Variants in AGAP1 observed in about 807,000 individuals in gnomAD.
AGAP1 encodes the protein arf-GAP with GTPase, ANK repeat and PH domain-containing protein 1.
AGAP1 carries 29 observed loss-of-function variants against 105.3 expected under a neutral mutation model. The observed-to-expected ratio is 0.28, with a 90% CI of 0.21 to 0.38. The LOEUF (loss-of-function observed/expected upper bound fraction) is 0.38, where lower values mean the gene tolerates loss of function less well. Among genes scored for constraint, AGAP1 ranks in the 10% least tolerant of loss-of-function variants. The pLI, the probability that AGAP1 is intolerant of heterozygous loss-of-function variation, is 1.00. For missense variants in AGAP1, 998 were observed against 1,165.1 expected, an observed-to-expected ratio of 0.86 and a Z score of 2.09; for synonymous variants, 509 against 485.9, an observed-to-expected ratio of 1.05 and a Z score of -0.63.
At chr2:235,755,149 C>A (rs1449912913) in intron 6 of AGAP1, among the ~76,000 whole-genome samples, 4 of 152,296 alleles carry the variant, frequency 2.6e-5, no homozygotes, top group Non-Finnish European at 2.9e-5. Context: ...GGCTGCAGGT[C>A]CGTCTGCAGG....
At chr2:235,886,842 TGTG>T (rs1169761595) in intron 10 of AGAP1, among the ~76,000 whole-genome samples, 2 of 152,062 alleles carry the variant, frequency 1.3e-5, no homozygotes, top group African/African-American at 4.8e-5. Context: ...TGGATAAAAG[TGTG>T]GAGAGGCAGT....
rs1369093387 is a variant in AGAP1, at chr2:235,712,477, T to G, written c.222+3240T>G. 6.6e-6 allele frequency among the ~76,000 whole-genome samples: 1 copy of G among 152,244 alleles called. No homozygotes were observed. The highest frequency in any genetic ancestry group is 1.9e-4 in the East Asian group (1 of 5,194). On this transcript the variant is annotated intron_variant, in intron 2 of 17. Coordinates refer to ENST00000304032, the MANE Select transcript of AGAP1 (RefSeq NM_001037131.3). The surrounding 1 kb of genome is among the most constrained non-coding windows in gnomAD (Gnocchi z 6.0). ...GCACATAGGCTCTGGACATCTTGCC[T>G]GTGTAGGGGACCTCAGTCCCCAGCT... is the stretch of plus-strand genomic sequence containing the variant.
In AGAP1 at chr2:236,003,486, G is replaced by C. The variant is rs946528480; in HGVS notation, c.1646-33075G>C. ...GCACGTCCTCCTCATGGCCACGCTG[G>C]GATGGAGGTGGACTCTGAGCACAGA... On this transcript the variant is annotated intron_variant, in intron 13 of 17. Transcript: ENST00000304032. This position sits in a 1 kb window ranked among gnomAD's most constrained non-coding sequence, Gnocchi z 4.2. Among the ~76,000 whole-genome samples, 12 of 152,314 alleles carry C rather than the reference G, an allele frequency of 7.9e-5. No individual in the cohort carries two copies. The highest frequency in any genetic ancestry group is 3.4e-3 in the Middle Eastern group (1 of 294).
In AGAP1 at chr2:235,659,021, C is replaced by G. The variant is rs529084152; in HGVS notation, c.164-50158C>G. ...AGCCCAGCAGCATGTACAGCACTTGCTTTCCTTTGAGAGGCCCTCCATTGT... is the reference window on the plus strand; with the variant it reads ...AGCCCAGCAGCATGTACAGCACTTGGTTTCCTTTGAGAGGCCCTCCATTGT... On this transcript the variant is annotated intron_variant, in intron 1 of 17. Coordinates refer to ENST00000304032, the MANE Select transcript of AGAP1 (RefSeq NM_001037131.3). The surrounding 1 kb of genome is among the most constrained non-coding windows in gnomAD (Gnocchi z 5.0). Among the ~76,000 whole-genome samples the G allele has an allele frequency of 2.2e-4, 33 of 152,202 alleles. No homozygotes were observed. Among genetic ancestry groups the G allele is most frequent in the Non-Finnish European group, 3.4e-4 (23 of 68,042 alleles).
At position 236,121,887 on chromosome 2, in the gene AGAP1, G is replaced by A. The variant is rs2059909051; in HGVS notation, c.2370+1440G>A. ...CCTCTCTCACGGCTGGTAGACGGCCGCCCTCTCCCTATGTTCTCACAGGGC... is the reference window on the plus strand; with the variant it reads ...CCTCTCTCACGGCTGGTAGACGGCCACCCTCTCCCTATGTTCTCACAGGGC... On this transcript the variant is annotated intron_variant, in intron 17 of 17. Coordinates refer to ENST00000304032, the MANE Select transcript of AGAP1 (RefSeq NM_001037131.3). The surrounding 1 kb of genome is among the most constrained non-coding windows in gnomAD (Gnocchi z 4.9). Among the ~76,000 whole-genome samples the A allele has an allele frequency of 6.6e-6, 1 of 152,072 alleles. No individual in the cohort carries two copies. The highest frequency in any genetic ancestry group is 2.1e-4 in the South Asian group (1 of 4,818).
In AGAP1 at chr2:235,953,477, A is replaced by G. The variant is rs1248206240; in HGVS notation, c.1484-14985A>G. ...AATATTCAACACTCCTAAGCCTTAA[A>G]TAGGCAATTAGAAGTATACTGCATT... On this transcript the variant is annotated intron_variant, in intron 12 of 17. Coordinates refer to ENST00000304032, the MANE Select transcript of AGAP1 (RefSeq NM_001037131.3). The surrounding 1 kb of genome is among the most constrained non-coding windows in gnomAD (Gnocchi z 5.2). 1.3e-5 allele frequency among the ~76,000 whole-genome samples: 2 copies of G among 152,242 alleles called. No homozygotes were observed. The highest frequency in any genetic ancestry group is 2.1e-4 in the South Asian group (1 of 4,832).
chr2:236,117,762 C>G (rs748864473), intron 16 of AGAP1, among the ~76,000 whole-genome samples: 52 of 152,200 alleles, frequency 3.4e-4, no homozygotes, highest in Non-Finnish European at 6.5e-4. Flanking sequence ...TGAAATGCAT[C>G]AACAAACGTT....
At position 235,964,370 on chromosome 2, in the gene AGAP1, C is replaced by T. The variant is rs1363420802; in HGVS notation, c.1484-4092C>T. 1.3e-5 allele frequency among the ~76,000 whole-genome samples: 2 copies of T among 152,134 alleles called. No homozygotes were observed. Among genetic ancestry groups the T allele is most frequent in the Admixed American group, 1.3e-4 (2 of 15,256 alleles). On this transcript the variant is annotated intron_variant, in intron 12 of 17. Transcript: ENST00000304032. The surrounding 1 kb of genome is among the most constrained non-coding windows in gnomAD (Gnocchi z 4.6). ...CTCCCTGCAGGACTAGGGTTGAGCT[C>T]TCTGAGGGCAAAGACAGTCACAGTG...
At position 235,799,472 on chromosome 2, in the gene AGAP1, A is replaced by G. The variant is rs770552808; in HGVS notation, c.907A>G (p.Thr303Ala). Residue 303 changes from threonine (T) to alanine (A), a missense_variant, in exon 8 of 18, where the codon ACG becomes GCG. Transcript: ENST00000304032. This position sits in a 1 kb window ranked among gnomAD's most constrained non-coding sequence, Gnocchi z 5.0. ...GATCGATGTTCCTCCCACTGCCAAC[A>G]CGCCCACGCCCGTTCGCAAGCAGTC... is the stretch of plus-strand genomic sequence containing the variant. ...LRIDVPPTAN[T>A]PTPVRKQSKR... The G allele has an allele frequency of 1.2e-6, 2 of 1,614,122 alleles. No individual in the cohort carries two copies. Among genetic ancestry groups the G allele is most frequent in the South Asian group, 1.1e-5 (1 of 91,072 alleles).
chr2:235,802,111 G>T (rs1233607342), intron 8 of AGAP1, among the ~76,000 whole-genome samples: 1 of 152,078 alleles, frequency 6.6e-6, no homozygotes, highest in Non-Finnish European at 1.5e-5. Flanking sequence ...GCACAGCCCT[G>T]GTTTTGCTCA....
chr2:236,023,724 C>G (rs1236715375), intron 13 of AGAP1, among the ~76,000 whole-genome samples: 1 of 152,166 alleles, frequency 6.6e-6, no homozygotes, highest in African/African-American at 2.4e-5. Flanking sequence ...CCAGGCTGAG[C>G]ATGTCATCTC....
rs754065305 is a variant in AGAP1, at chr2:235,494,751, C to T, written c.65C>T (p.Ser22Leu). Residue 22 changes from serine to leucine, a missense_variant, in exon 1 of 18, where the codon TCG (serine) becomes TTG (leucine). By Grantham distance (145) the Ser-to-Leu change is moderately radical (BLOSUM62 -2). Transcript: ENST00000304032. ...AIRAEIQRFE[S>L]VHPNIYSIYE... ...CGGGCCGAGATCCAGCGCTTCGAGT[C>T]GGTCCACCCCAACATCTACTCCATC... The T allele has an allele frequency of 1.3e-6, 2 of 1,573,092 alleles. No homozygotes were observed. Among genetic ancestry groups the T allele is most frequent in the South Asian group, 2.3e-5 (2 of 87,742 alleles).
intron 1 of AGAP1, among the ~76,000 whole-genome samples, chr2:235,565,304 C>T (rs1220269427): frequency 6.6e-6 from 1 of 152,170 alleles, no homozygotes; most frequent in East Asian, 1.9e-4. Flanking sequence ...GGCATTGGCC[C>T]CATGCCACAT....
At chr2:235,820,534 T>C (rs1460780719) in intron 9 of AGAP1, among the ~76,000 whole-genome samples, 1 of 152,242 alleles carries the variant, frequency 6.6e-6, no homozygotes, top group Non-Finnish European at 1.5e-5. Flanking sequence ...TCTTCAAGAT[T>C]AAACCCACAA....
intron 11 of AGAP1, among the ~76,000 whole-genome samples, chr2:235,920,704 A>G (rs1367168281): frequency 6.6e-6 from 1 of 152,256 alleles, no homozygotes; most frequent in African/African-American, 2.4e-5. Context: ...TCATACATGA[A>G]GAGACACCAT....
In AGAP1 at chr2:236,038,266, C is replaced by T. The variant is rs1416025442; in HGVS notation, c.1800+1551C>T. On this transcript the variant is annotated intron_variant, in intron 14 of 17. Transcript: ENST00000304032. This position sits in a 1 kb window ranked among gnomAD's most constrained non-coding sequence, Gnocchi z 4.5. ...CAGCATCCTCCAAGCGTGGGCAGCT[C>T]ATTCTGAGAAGGAAGGCAGGGAGGC... Among the ~76,000 whole-genome samples, 1 of 152,314 alleles carries T rather than the reference C, an allele frequency of 6.6e-6. No individual in the cohort carries two copies. The highest frequency in any genetic ancestry group is 1.5e-5 in the Non-Finnish European group (1 of 68,042).
In AGAP1 at chr2:235,641,464, T is replaced by G. The variant is rs12613383; in HGVS notation, c.164-67715T>G. On this transcript the variant is annotated intron_variant, in intron 1 of 17. Transcript: ENST00000304032. The stretch of plus-strand genomic sequence containing the variant: ...TTTTTTTCTTTTTTGGTAGGATGCC[T>G]CCCTTTGCATTCCAAGGCAGCACTT... Among the ~76,000 whole-genome samples the G allele has an allele frequency of 1.9e-4, 28 of 150,426 alleles. No individual in the cohort carries two copies. The East Asian group carries it at 5.5e-3, about 29-fold the overall frequency.
At chr2:235,846,615 C>T (rs1961526722) in intron 9 of AGAP1, among the ~76,000 whole-genome samples, 1 of 151,792 alleles carries the variant, frequency 6.6e-6, no homozygotes, top group South Asian at 2.1e-4. Context: ...ACAGGCGTGA[C>T]CCACTGTGCC....
At chr2:235,929,544 C>T (rs1298594547) in intron 11 of AGAP1, among the ~76,000 whole-genome samples, 1 of 152,090 alleles carries the variant, frequency 6.6e-6, no homozygotes, top group Non-Finnish European at 1.5e-5. Flanking sequence ...CAAAGCCAAA[C>T]GCCTCGTCGT....
Sources: allele counts gnomAD v4.1 joint callset (sites outside exome capture counted in the v4.1 genomes callset), GRCh38; gene constraint gnomAD v4.1.1; non-coding constraint Gnocchi (gnomAD v3.1); transcripts MANE v1.5; gene names NCBI Gene and HGNC (gene_info 2026-07-23, HGNC 2026-07-21).